The following IL1RAPL2 variants were observed in gnomAD, a reference collection of about 807,000 sequenced individuals.
The protein encoded by IL1RAPL2 is interleukin 1 receptor accessory protein like 2.
Under a neutral mutation model 44.1 loss-of-function variants are expected in IL1RAPL2, and 3 were observed. The observed-to-expected ratio is 0.07, with a 90% confidence interval of 0.03 to 0.18. The LOEUF (loss-of-function observed/expected upper bound fraction) is 0.18. IL1RAPL2 is among the 10% of genes least tolerant of loss of function. The pLI, the probability that IL1RAPL2 is intolerant of heterozygous loss-of-function variation, is 1.00. For synonymous variants in IL1RAPL2, 181 were observed against 178.8 expected (o/e 1.01, Z -0.10); for missense variants, 391 against 496.4 (o/e 0.79, Z 2.02).
At chrX:104,971,523 C>T (rs5917184) in intron 2 of IL1RAPL2, among the ~76,000 whole-genome samples, 47,228 of 109,155 alleles carry the variant, frequency 0.43, 7,480 homozygotes, top group East Asian at 0.46. Context: ...TGTCCAGAGG[C>T]GTTAATACAT....
At chrX:105,019,298 T>C (rs768197699) in intron 2 of IL1RAPL2, among the ~76,000 whole-genome samples, 7 of 111,842 alleles carry the variant, frequency 6.3e-5, no homozygotes, top group South Asian at 3.7e-4. Context: ...CCTTCAACTA[T>C]TGTGTGAAGT....
At chrX:104,816,731 T>A (rs1011020311) in intron 2 of IL1RAPL2, among the ~76,000 whole-genome samples, 13 of 111,896 alleles carry the variant, frequency 1.2e-4, no homozygotes, top group African/African-American at 4.2e-4. Flanking sequence ...TCTGGAATCA[T>A]TAAGAGTTGG....
chrX:105,299,833 A>G (rs2034683177), intron 5 of IL1RAPL2, among the ~76,000 whole-genome samples: 1 of 111,807 alleles, frequency 8.9e-6, no homozygotes, highest in South Asian at 3.7e-4. Context: ...GCGGCATGCA[A>G]TTCTTGTCAA....
chrX:105,101,741 C>T (rs1274313333), intron 2 of IL1RAPL2, among the ~76,000 whole-genome samples: 1 of 111,882 alleles, frequency 8.9e-6, no homozygotes, highest in Non-Finnish European at 1.9e-5. Flanking sequence ...TATGTTGCCA[C>T]TCCACTTACA....
At chrX:105,712,449 A>C (rs1286785951) in intron 6 of IL1RAPL2, among the ~76,000 whole-genome samples, 1 of 110,930 alleles carries the variant, frequency 9.0e-6, no homozygotes. Flanking sequence ...GGTAATTTAT[A>C]ATGGAAAGAG....
chrX:105,044,048 A>T (rs373562786), intron 2 of IL1RAPL2, among the ~76,000 whole-genome samples: 1 of 111,757 alleles, frequency 8.9e-6, no homozygotes, highest in African/African-American at 3.2e-5. Flanking sequence ...TACTAAGCCA[A>T]GTTGTAATGC....
chrX:104,914,714 C>A (rs1924358316), intron 2 of IL1RAPL2, among the ~76,000 whole-genome samples: 1 of 110,544 alleles, frequency 9.0e-6, no homozygotes, highest in African/African-American at 3.3e-5. Context: ...TATCCCTCCC[C>A]CATCCCCCAC....
At chrX:104,829,277 C>T (rs768346941) in intron 2 of IL1RAPL2, among the ~76,000 whole-genome samples, 21 of 112,009 alleles carry the variant, frequency 1.9e-4, no homozygotes, top group Non-Finnish European at 3.6e-4. Flanking sequence ...CCAAGGGAAT[C>T]TCCTGTTCTG....
intron 2 of IL1RAPL2, among the ~76,000 whole-genome samples, chrX:104,953,384 A>C (rs1925636640): frequency 1.8e-5 from 2 of 112,181 alleles, no homozygotes; most frequent in Non-Finnish European, 3.8e-5. Flanking sequence ...ATAAACATAT[A>C]TTTGGATAGA....
intron 2 of IL1RAPL2, among the ~76,000 whole-genome samples, chrX:104,848,059 G>A (rs1922106101): frequency 9.1e-6 from 1 of 110,292 alleles, no homozygotes; most frequent in African/African-American, 3.3e-5. Flanking sequence ...CTGAGACTTT[G>A]CTGAAGTTGC....
At chrX:104,818,144 C>T (rs1025601986) in intron 2 of IL1RAPL2, among the ~76,000 whole-genome samples, 17 of 108,978 alleles carry the variant, frequency 1.6e-4, no homozygotes, top group Non-Finnish European at 3.0e-4. Flanking sequence ...ATCATGAGGT[C>T]AGGAGATCGA....
At chrX:104,654,548 C>A (rs184185746) in intron 1 of IL1RAPL2, among the ~76,000 whole-genome samples, 2 of 111,253 alleles carry the variant, frequency 1.8e-5, no homozygotes, top group African/African-American at 6.5e-5. Flanking sequence ...ATCAAAGAGG[C>A]ACCTGGGGGC....
intron 2 of IL1RAPL2, among the ~76,000 whole-genome samples, chrX:105,100,009 T>C (rs2032651961): frequency 9.0e-6 from 1 of 111,482 alleles, no homozygotes; most frequent in South Asian, 3.8e-4. Context: ...GTTTCAGTTA[T>C]TCATGGTACA....
At chrX:104,780,732 G>T (rs774711430) in intron 2 of IL1RAPL2, among the ~76,000 whole-genome samples, 1 of 111,848 alleles carries the variant, frequency 8.9e-6, no homozygotes, top group Admixed American at 9.5e-5. Flanking sequence ...TCTGACAAGG[G>T]CTTGACCTTT....
chrX:105,033,778 T>A (rs1353693930), intron 2 of IL1RAPL2, among the ~76,000 whole-genome samples: 1 of 112,035 alleles, frequency 8.9e-6, no homozygotes, highest in Non-Finnish European at 1.9e-5. Context: ...CCTGCCTTGC[T>A]AGATTGGGGA....
intron 2 of IL1RAPL2, among the ~76,000 whole-genome samples, chrX:105,048,520 A>C (rs1037329734): frequency 1.1e-4 from 12 of 111,994 alleles, no homozygotes; most frequent in Non-Finnish European, 2.3e-4. Flanking sequence ...CAATGTAAAA[A>C]ATCATTGATG....
At chrX:104,910,134 C>T (rs1433830734) in intron 2 of IL1RAPL2, among the ~76,000 whole-genome samples, 3 of 112,240 alleles carry the variant, frequency 2.7e-5, no homozygotes, top group Non-Finnish European at 3.8e-5. Flanking sequence ...CGTCCGTCAC[C>T]CCTGTCTTTG....
intron 6 of IL1RAPL2, among the ~76,000 whole-genome samples, chrX:105,709,669 T>C (rs1176452427): frequency 9.0e-6 from 1 of 111,658 alleles, no homozygotes; most frequent in Non-Finnish European, 1.9e-5. Context: ...CTAACACTAG[T>C]ACTCTTTACA....
intron 6 of IL1RAPL2, among the ~76,000 whole-genome samples, chrX:105,681,965 C>CA (rs922273800): frequency 1.8e-5 from 2 of 109,779 alleles, no homozygotes; most frequent in Admixed American, 1.9e-4. Flanking sequence ...GTAAAACAAA[C>CA]AAAAAAAATA....
Sources: allele counts gnomAD v4.1 joint callset (sites outside exome capture counted in the v4.1 genomes callset), GRCh38; gene constraint gnomAD v4.1.1; transcripts MANE v1.5; gene names NCBI Gene and HGNC (gene_info 2026-07-23, HGNC 2026-07-21).